Variants in SLC5A1 observed in about 807,000 individuals in gnomAD.
The protein encoded by SLC5A1 is solute carrier family 5 member 1.
SLC5A1 carries 42 observed loss-of-function variants against 73.5 expected under a neutral mutation model. The observed-to-expected ratio is 0.57, with a 90% CI of 0.45 to 0.74. SLC5A1 has a LOEUF of 0.74. Ranked by LOEUF, SLC5A1 falls within the 30% of genes least tolerant of loss-of-function variation. SLC5A1 has a pLI of 0.00. For synonymous variants in SLC5A1, 300 were observed against 317.4 expected, an observed-to-expected ratio of 0.95 and a Z score of 0.58; for missense variants, 634 against 855.4, an observed-to-expected ratio of 0.74 and a Z score of 3.23.
chr22:32,102,740 C>T (rs1335089990), intron 13 of SLC5A1, among the ~76,000 whole-genome samples: 1 of 152,154 alleles, frequency 6.6e-6, no homozygotes. Flanking sequence ...CCTTCCTGGC[C>T]TCGGTAACCA....
intron 10 of SLC5A1, among the ~76,000 whole-genome samples, chr22:32,087,762 C>T (rs940037972): frequency 2.0e-5 from 3 of 152,024 alleles, no homozygotes; most frequent in African/African-American, 7.3e-5. Flanking sequence ...AAAGTTATTA[C>T]CTAGAAAAAT....
chr22:32,074,940 AG>A (rs1817742532), intron 5 of SLC5A1, among the ~76,000 whole-genome samples: 1 of 152,132 alleles, frequency 6.6e-6, no homozygotes, highest in Non-Finnish European at 1.5e-5. Context: ...TCTGTTGCCC[AG>A]GCTGGAGTGT....
intron 12 of SLC5A1, 116 bp from the exon 13 acceptor site, chr22:32,101,906 C>A: frequency 5.0e-6 from 4 of 796,816 alleles, no homozygotes; most frequent in Non-Finnish European, 8.7e-6. Context: ...CAGCCTGGAG[C>A]TACCACTTCT....
At chr22:32,071,585 G>T (rs1002687682) in intron 5 of SLC5A1, among the ~76,000 whole-genome samples, 3 of 151,984 alleles carry the variant, frequency 2.0e-5, no homozygotes, top group Admixed American at 1.3e-4. Context: ...GATCACATAG[G>T]GAGTAGCTCC....
At chr22:32,046,548 T>C (rs929080798) in intron 1 of SLC5A1, among the ~76,000 whole-genome samples, 12 of 152,186 alleles carry the variant, frequency 7.9e-5, no homozygotes, top group Non-Finnish European at 1.6e-4. Flanking sequence ...TCAGACGCGA[T>C]GTCCTGGAAC....
In SLC5A1 at chr22:32,066,927, G is replaced by A. The variant is rs199783226; in HGVS notation, c.208-8G>A. ...GAGCCCTCACCTGACTTTCTTTTGCGTTTCCAGATTGGAGCCTCCCTCTTT... is the reference window on the plus strand; with the variant it reads ...GAGCCCTCACCTGACTTTCTTTTGCATTTCCAGATTGGAGCCTCCCTCTTT... On this transcript the variant is annotated splice_region_variant and splice_polypyrimidine_tract_variant and intron_variant, in intron 2 of 14. Transcript: ENST00000266088. The A allele has an allele frequency of 1.6e-4, 252 of 1,608,908 alleles. No homozygotes were observed. The highest frequency in any genetic ancestry group is 4.0e-4 in the African/African-American group (30 of 74,888).
chr22:32,054,732 G>A (rs1045620069), intron 2 of SLC5A1, among the ~76,000 whole-genome samples: 5 of 152,130 alleles, frequency 3.3e-5, no homozygotes, highest in African/African-American at 1.2e-4. Context: ...GAGTGCAGTG[G>A]TGCAATCTTG....
chr22:32,100,408 C>T (rs2149497033), intron 12 of SLC5A1, among the ~76,000 whole-genome samples: 1 of 152,192 alleles, frequency 6.6e-6, no homozygotes, highest in African/African-American at 2.4e-5. Flanking sequence ...TTTCTTTTTC[C>T]AGATCTTACC....
chr22:32,056,211 A>G (rs151090523), intron 2 of SLC5A1, among the ~76,000 whole-genome samples: 10 of 152,070 alleles, frequency 6.6e-5, no homozygotes, highest in South Asian at 2.1e-4. Context: ...AGTAGAGGTG[A>G]GGTCTCGCTA....
intron 11 of SLC5A1, among the ~76,000 whole-genome samples, chr22:32,092,852 G>T (rs1411638446): frequency 1.3e-5 from 2 of 152,130 alleles, no homozygotes; most frequent in Non-Finnish European, 2.9e-5. Context: ...TTGCCTTTGG[G>T]TTCTTGGTCG....
At position 32,068,024 on chromosome 22, in the gene SLC5A1, G is replaced by A. The variant is rs1451675779; in HGVS notation, c.370G>A (p.Gly124Arg). Residue 124 changes from glycine to arginine, a missense_variant and splice_region_variant, in exon 4 of 15, where the codon GGG becomes AGG. Gly to Arg is a moderately radical substitution (Grantham distance 125, BLOSUM62 -2). Transcript: ENST00000266088. ...GTTTGTCCCCATCTATATTAAGGCT[G>A]GGGTAAGTATCTGCTCTGTTATTTC... ...WLFVPIYIKA[G>R]VVTMPEYLRK... 2 of 1,613,896 alleles carry A rather than the reference G, an allele frequency of 1.2e-6. No individual in the cohort carries two copies. Among genetic ancestry groups the A allele is most frequent in the South Asian group, 1.1e-5 (1 of 91,078 alleles).
intron 5 of SLC5A1, among the ~76,000 whole-genome samples, chr22:32,075,687 A>G (rs772168773): frequency 3.6e-4 from 55 of 152,078 alleles, no homozygotes; most frequent in Non-Finnish European, 6.0e-4. Flanking sequence ...GTAGGATTTG[A>G]GAGGACTATG....
At position 32,104,779 on chromosome 22, in the gene SLC5A1, T is replaced by C; in HGVS notation, c.1666-7T>C. ...CTTTCTGTTGACCTGTTCTGCCTTCTCTGCAGCTCTACCGTCTGTGTTGGA... is the reference window on the plus strand; with the variant it reads ...CTTTCTGTTGACCTGTTCTGCCTTCCCTGCAGCTCTACCGTCTGTGTTGGA... On this transcript the variant is annotated splice_polypyrimidine_tract_variant and splice_region_variant and intron_variant, in intron 13 of 14. Transcript: ENST00000266088. The C allele has an allele frequency of 6.2e-7, 1 of 1,613,078 alleles. No individual in the cohort carries two copies. Among genetic ancestry groups the C allele is most frequent in the Non-Finnish European group, 8.5e-7 (1 of 1,179,066 alleles).
chr22:32,079,324 C>G (rs1278875803), intron 5 of SLC5A1, among the ~76,000 whole-genome samples: 1 of 152,200 alleles, frequency 6.6e-6, no homozygotes, highest in African/African-American at 2.4e-5. Flanking sequence ...TAGAATGACT[C>G]ATGCGAGGAA....
intron 2 of SLC5A1, among the ~76,000 whole-genome samples, chr22:32,062,012 C>G (rs2093963937): frequency 6.6e-6 from 1 of 152,168 alleles, no homozygotes. Flanking sequence ...TCCCTGTCCT[C>G]AGATATTGGA....
chr22:32,070,559 C>G (rs574867527), intron 5 of SLC5A1, among the ~76,000 whole-genome samples: 1 of 152,046 alleles, frequency 6.6e-6, no homozygotes, highest in South Asian at 2.1e-4. Flanking sequence ...ATCTCAAACT[C>G]CTGGACTCAA....
At chr22:32,083,019 G>A (rs2094002407) in intron 6 of SLC5A1, 55 bp from the exon 7 acceptor site, 2 of 1,515,762 alleles carry the variant, frequency 1.3e-6, no homozygotes, top group Non-Finnish European at 1.8e-6. Context: ...AAGGAAGCAA[G>A]TAGACAGGTC....
At chr22:32,090,407 T>G (rs2094015226) in intron 10 of SLC5A1, among the ~76,000 whole-genome samples, 1 of 152,134 alleles carries the variant, frequency 6.6e-6, no homozygotes, top group Non-Finnish European at 1.5e-5. Context: ...ATAATACGTG[T>G]TTTTTTGTGA....
At position 32,054,001 on chromosome 22, in the gene SLC5A1, C is replaced by T. The variant is rs184966771; in HGVS notation, c.207+3987C>T. On this transcript the variant is annotated intron_variant, in intron 2 of 14. Coordinates refer to ENST00000266088, the MANE Select transcript of SLC5A1 (RefSeq NM_000343.4). ...CCAGCTGGCCAACATGATGAAACCC[C>T]GTCTCTACTAAAAATACCAAAATTA... is the stretch of plus-strand genomic sequence containing the variant. Among the ~76,000 whole-genome samples, 249 of 152,090 alleles carry T rather than the reference C, an allele frequency of 1.6e-3. 3 individuals are homozygous for T. The highest frequency in any genetic ancestry group is 0.013 in the Admixed American group (206 of 15,272).
Sources: allele counts gnomAD v4.1 joint callset (sites outside exome capture counted in the v4.1 genomes callset), GRCh38; gene constraint gnomAD v4.1.1; transcripts MANE v1.5; gene names NCBI Gene and HGNC (gene_info 2026-07-23, HGNC 2026-07-21).